The following SMURF1 variants were observed in gnomAD, a reference collection of about 807,000 sequenced individuals.
The protein encoded by SMURF1 is E3 ubiquitin-protein ligase SMURF1.
In SMURF1, 44 loss-of-function variants were observed where a neutral mutation model predicts 98.0. The observed-to-expected ratio is 0.45, with a 90% CI of 0.35 to 0.58. The LOEUF is 0.58. Among genes scored for constraint, SMURF1 ranks in the 20% least tolerant of loss-of-function variants. The pLI is 0.00. For synonymous variants in SMURF1, 396 were observed against 374.9 expected (o/e 1.06, Z -0.65); for missense variants, 687 against 938.4 (o/e 0.73, Z 3.50).
At chr7:99,035,844 C>CAGATGTTGAGACA in intron 15 of SMURF1, 128 bp from the exon 16 acceptor site, 1 of 860,062 alleles carries the variant, frequency 1.2e-6, no homozygotes, top group South Asian at 1.7e-5. Context: ...GTGTACTAGG[C>CAGATGTTGAGACA]AGATGTTGAG....
At chr7:99,108,249 G>A (rs769014808) in intron 1 of SMURF1, among the ~76,000 whole-genome samples, 3 of 151,606 alleles carry the variant, frequency 2.0e-5, no homozygotes, top group Admixed American at 6.6e-5. Context: ...ACGGAGTCTC[G>A]CTCTGTCGCC....
At chr7:99,087,983 G>A (rs2150575197) in intron 1 of SMURF1, among the ~76,000 whole-genome samples, 1 of 152,068 alleles carries the variant, frequency 6.6e-6, no homozygotes, top group East Asian at 1.9e-4. Context: ...TTGGCCGGGA[G>A]CAGTGGCTCA....
At chr7:99,050,820 A>C (rs1795729198) in intron 8 of SMURF1, 1 of 894,730 alleles carries the variant, frequency 1.1e-6, no homozygotes, top group Non-Finnish European at 1.7e-6. Flanking sequence ...ACCAAAAATC[A>C]TATTAGGTAG....
Position 99,143,964 on chromosome 7 carries a change from C to T in SMURF1, c.-184G>A. 1 of 441,364 alleles carries T rather than the reference C, an allele frequency of 2.3e-6. No homozygotes were observed. Among genetic ancestry groups the T allele is most frequent in the South Asian group, 4.3e-5 (1 of 22,998 alleles). 27.3% of individuals were successfully genotyped at this position (441,364 alleles called of 1,614,324 possible). A position where few individuals can be genotyped will look rare whatever the true frequency, so the allele number is the denominator to read the frequency against. On this transcript the variant is annotated 5_prime_UTR_variant, in exon 1 of 18. Transcript: ENST00000361368. The stretch of plus-strand genomic sequence containing the variant: ...GCGGATGGTCGAGCCGGGAGATCGG[C>T]GCTTGCTGCGGCGCTCTGACCCTCG...
At position 99,037,878 on chromosome 7, in the gene SMURF1, T is replaced by C. The variant is rs560922099; in HGVS notation, c.1688+510A>G. On this transcript the variant is annotated intron_variant, in intron 14 of 17. Coordinates refer to ENST00000361368, the MANE Select transcript of SMURF1 (RefSeq NM_181349.3). The stretch of plus-strand genomic sequence containing the variant: ...CCAGCCTGGCAACATAGCAAGACCA[T>C]GTAAAAATTTAAAAATTGTTTAAAT... 4.6e-5 allele frequency among the ~76,000 whole-genome samples: 7 copies of C among 152,322 alleles called. No homozygotes were observed. In the South Asian group the frequency reaches 8.3e-4, roughly 18 times the overall value.
At chr7:99,139,237 G>A (rs1012784867) in intron 1 of SMURF1, among the ~76,000 whole-genome samples, 4 of 152,162 alleles carry the variant, frequency 2.6e-5, no homozygotes, top group African/African-American at 9.7e-5. Flanking sequence ...CCATCTGAAT[G>A]CCAAAACACA....
intron 1 of SMURF1, among the ~76,000 whole-genome samples, chr7:99,087,533 A>C (rs1165359052): frequency 6.6e-6 from 1 of 152,226 alleles, no homozygotes; most frequent in African/African-American, 2.4e-5. Flanking sequence ...ATTTTAAATA[A>C]ATTATTTAAA....
intron 8 of SMURF1, chr7:99,050,730 A>G (rs923515305): frequency 1.8e-6 from 1 of 555,416 alleles, no homozygotes; most frequent in African/African-American, 1.9e-5. Flanking sequence ...TGAGTCATAC[A>G]TTAAACATAG....
chr7:99,068,180 G>C (rs771960358), intron 1 of SMURF1, among the ~76,000 whole-genome samples: 3 of 152,106 alleles, frequency 2.0e-5, no homozygotes, highest in Non-Finnish European at 4.4e-5. Context: ...TCTTGAATTT[G>C]TCTGTTCTGT....
At chr7:99,035,955 T>A (rs1795122944) in intron 15 of SMURF1, 3 of 548,796 alleles carry the variant, frequency 5.5e-6, no homozygotes, top group African/African-American at 1.9e-5. Flanking sequence ...CAGCTGTTGA[T>A]GGGATGTTAT....
intron 1 of SMURF1, among the ~76,000 whole-genome samples, chr7:99,134,747 A>T (rs1387120125): frequency 2.0e-5 from 3 of 152,230 alleles, no homozygotes; most frequent in Admixed American, 1.3e-4. Flanking sequence ...ATTATTTTAT[A>T]AAAATAGGTC....
At chr7:99,062,615 G>A (rs987993920) in intron 1 of SMURF1, among the ~76,000 whole-genome samples, 1 of 152,152 alleles carries the variant, frequency 6.6e-6, no homozygotes, top group Non-Finnish European at 1.5e-5. Flanking sequence ...TTGGGAGGCT[G>A]AGGTGGGCAG....
intron 3 of SMURF1, among the ~76,000 whole-genome samples, chr7:99,059,406 ATAAAATAAAATAAAAT>A (rs1563010535): frequency 4.4e-5 from 4 of 90,426 alleles, no homozygotes; most frequent in Admixed American, 1.3e-4. Flanking sequence ...TCAAAAAAAA[ATAAAATAAAATAAAAT>A]AAAATAAAAT....
chr7:99,056,233 T>C (rs1377788996), intron 5 of SMURF1, among the ~76,000 whole-genome samples: 3 of 152,110 alleles, frequency 2.0e-5, no homozygotes, highest in Non-Finnish European at 4.4e-5. Flanking sequence ...CACAGGACAA[T>C]ACCTAAAAGA....
intron 1 of SMURF1, among the ~76,000 whole-genome samples, chr7:99,109,953 A>G (rs1233775528): frequency 6.6e-6 from 1 of 152,254 alleles, no homozygotes; most frequent in Non-Finnish European, 1.5e-5. Context: ...CATAGTACAT[A>G]GTACACAGAC....
At chr7:99,103,784 T>C (rs1259308627) in intron 1 of SMURF1, among the ~76,000 whole-genome samples, 1 of 152,116 alleles carries the variant, frequency 6.6e-6, no homozygotes, top group Non-Finnish European at 1.5e-5. Flanking sequence ...ACACACACAG[T>C]AGGACACAAA....
At chr7:99,063,215 G>GATATATATATATATAAGATTT (rs1796078223) in intron 1 of SMURF1, among the ~76,000 whole-genome samples, 2 of 93,830 alleles carry the variant, frequency 2.1e-5, no homozygotes, top group African/African-American at 9.4e-5. Flanking sequence ...ATATAGTCAA[G>GATATATATATATATAAGATTT]ATATATATAT....
intron 1 of SMURF1, among the ~76,000 whole-genome samples, chr7:99,133,761 C>T (rs994667733): frequency 2.0e-5 from 3 of 152,136 alleles, no homozygotes; most frequent in Non-Finnish European, 4.4e-5. Context: ...AGGACTCTGC[C>T]CATCAACAGA....
At chr7:99,090,754 T>A (rs1323254703) in intron 1 of SMURF1, among the ~76,000 whole-genome samples, 1 of 152,348 alleles carries the variant, frequency 6.6e-6, no homozygotes, top group East Asian at 1.9e-4. Context: ...TACTTTAGTA[T>A]TAGAATCTTT....
Sources: gnomAD v4.1 joint callset for allele counts (sites outside exome capture counted in the v4.1 genomes callset) on GRCh38, gnomAD v4.1.1 for gene constraint, MANE v1.5 for transcripts, NCBI Gene and HGNC (gene_info 2026-07-23, HGNC 2026-07-21) for gene names.